Variants in FRMD4A observed in about 807,000 individuals in gnomAD.
FRMD4A encodes FERM domain containing 4A.
In FRMD4A, 29 loss-of-function variants were observed where a neutral mutation model predicts 129.1. The observed-to-expected ratio is 0.22, with a 90% confidence interval of 0.17 to 0.31. The LOEUF (loss-of-function observed/expected upper bound fraction) is 0.31. Among genes scored for constraint, FRMD4A ranks in the 10% least tolerant of loss-of-function variants. The pLI is 1.00. For synonymous variants in FRMD4A, 634 were observed against 571.6 expected (o/e 1.11, Z -1.56); for missense variants, 1,272 against 1,375.8 (o/e 0.92, Z 1.19).
chr10:13,692,701 C>G (rs1052512282), intron 15 of FRMD4A: 1 of 152,280 alleles, frequency 6.6e-6, no homozygotes, highest in African/African-American at 2.4e-5. Flanking sequence ...GCTAACGAGA[C>G]AATTTTTAGC....
chr10:13,772,059 G>C (rs2092470074), intron 6 of FRMD4A, among the ~76,000 whole-genome samples: 1 of 150,808 alleles, frequency 6.6e-6, no homozygotes, highest in African/African-American at 2.4e-5. Context: ...AGAGGTTGCA[G>C]TGAGCTGAGA....
chr10:14,183,095 T>C lies in FRMD4A; in HGVS notation c.45+146963A>G, dbSNP rs189781453. Among the ~76,000 whole-genome samples, 66 of 152,322 alleles carry C rather than the reference T, an allele frequency of 4.3e-4. 1 individual carries two copies. The highest frequency in any genetic ancestry group is 3.7e-3 in the Admixed American group (57 of 15,298). On this transcript the variant is annotated intron_variant, in intron 2 of 24. Coordinates refer to ENST00000357447, the MANE Select transcript of FRMD4A (RefSeq NM_018027.5). ...AAAAGCATAGAGCTAGGCAGTAACA[T>C]ATTTGAAGAGAAAAACAAGAACACT...
intron 2 of FRMD4A, among the ~76,000 whole-genome samples, chr10:13,920,739 AC>A (rs1429556538): frequency 6.6e-6 from 1 of 152,152 alleles, no homozygotes; most frequent in Non-Finnish European, 1.5e-5. Context: ...AAAATCATTC[AC>A]TATTATTCCA....
chr10:13,964,717 G>A (rs2095473435), intron 2 of FRMD4A, among the ~76,000 whole-genome samples: 3 of 148,972 alleles, frequency 2.0e-5, no homozygotes, highest in Admixed American at 6.7e-5. Context: ...CTGTCACCAG[G>A]CTGGAGTGCA....
chr10:13,732,332 T>TG (rs5783345), intron 12 of FRMD4A, among the ~76,000 whole-genome samples: 117,881 of 151,874 alleles, frequency 0.78, 45,993 homozygotes, highest in East Asian at 0.91. Context: ...GGCTTTTTTG[T>TG]GGGGATGAGG....
At chr10:14,258,953 A>G (rs1402645420) in intron 2 of FRMD4A, among the ~76,000 whole-genome samples, 1 of 152,214 alleles carries the variant, frequency 6.6e-6, no homozygotes, top group Non-Finnish European at 1.5e-5. Context: ...AGTAGTGGAA[A>G]CTACTGTATA....
At chr10:13,902,153 G>A (rs1565003978) in intron 2 of FRMD4A, among the ~76,000 whole-genome samples, 5 of 151,938 alleles carry the variant, frequency 3.3e-5, no homozygotes, top group African/African-American at 9.7e-5. Context: ...AGTAGCTGGG[G>A]CTACAGGCAT....
rs148843241 is a variant in FRMD4A at position 14,094,075 on chromosome 10, C to T, written c.46-235163G>A. On this transcript the variant is annotated intron_variant, in intron 2 of 24. Transcript: ENST00000357447. ...TGAAATTCGACCCATCAGAGCAGAACACATTAACAAAGCCCCTGCCCGGGG... is the reference window on the plus strand; with the variant it reads ...TGAAATTCGACCCATCAGAGCAGAATACATTAACAAAGCCCCTGCCCGGGG... Among the ~76,000 whole-genome samples, 62 of 152,368 alleles carry T rather than the reference C, an allele frequency of 4.1e-4. 1 individual carries two copies. The highest frequency in any genetic ancestry group is 3.6e-3 in the Admixed American group (55 of 15,310).
At chr10:14,246,016 A>G (rs1467171871) in intron 2 of FRMD4A, among the ~76,000 whole-genome samples, 3 of 152,224 alleles carry the variant, frequency 2.0e-5, no homozygotes, top group Non-Finnish European at 2.9e-5. Flanking sequence ...TGCCTTTGCC[A>G]TCATCATTCC....
chr10:13,744,309 C>T (rs2091178992), intron 9 of FRMD4A, among the ~76,000 whole-genome samples: 1 of 152,122 alleles, frequency 6.6e-6, no homozygotes, highest in African/African-American at 2.4e-5. Context: ...TTCTGTGGCC[C>T]TGGGCACATC....
At chr10:13,766,558 G>A (rs949102353) in intron 6 of FRMD4A, among the ~76,000 whole-genome samples, 1 of 152,146 alleles carries the variant, frequency 6.6e-6, no homozygotes, top group African/African-American at 2.4e-5. Context: ...TGTTCTCATA[G>A]GACTCAACAC....
intron 2 of FRMD4A, among the ~76,000 whole-genome samples, chr10:14,277,062 G>T (rs996688852): frequency 6.6e-6 from 1 of 152,070 alleles, no homozygotes; most frequent in South Asian, 2.1e-4. Flanking sequence ...ACGGGGTTTT[G>T]CCAACTTGCC....
chr10:14,155,807 C>A (rs972800460), intron 2 of FRMD4A, among the ~76,000 whole-genome samples: 1 of 152,132 alleles, frequency 6.6e-6, no homozygotes. Context: ...ATTTTCAGAA[C>A]GCAATAAAAC....
intron 2 of FRMD4A, among the ~76,000 whole-genome samples, chr10:14,195,555 G>A (rs1842448876): frequency 6.6e-6 from 1 of 152,062 alleles, no homozygotes; most frequent in African/African-American, 2.4e-5. Context: ...TTCTCTCCTC[G>A]GATAACAAAT....
intron 2 of FRMD4A, among the ~76,000 whole-genome samples, chr10:14,317,831 A>G (rs543811843): frequency 6.6e-6 from 1 of 152,154 alleles, no homozygotes; most frequent in East Asian, 1.9e-4. Context: ...TCCAAAAAAT[A>G]GTCACAGATT....
At chr10:13,662,837 T>G (rs2082735997) in intron 19 of FRMD4A, among the ~76,000 whole-genome samples, 1 of 152,186 alleles carries the variant, frequency 6.6e-6, no homozygotes, top group South Asian at 2.1e-4. Flanking sequence ...TCTAAATCAA[T>G]TTCTACCCTT....
intron 2 of FRMD4A, among the ~76,000 whole-genome samples, chr10:14,050,415 T>C (rs1834201637): frequency 6.6e-6 from 1 of 152,190 alleles, no homozygotes; most frequent in African/African-American, 2.4e-5. Flanking sequence ...ATAGAGATGA[T>C]GAAAGACCTA....
At chr10:14,251,980 G>C (rs970924837) in intron 2 of FRMD4A, among the ~76,000 whole-genome samples, 15 of 152,124 alleles carry the variant, frequency 9.9e-5, no homozygotes, top group African/African-American at 3.6e-4. Context: ...CATGAGAATA[G>C]AAAAGAAGAC....
At chr10:13,839,097 G>A (rs1297527892) in intron 3 of FRMD4A, among the ~76,000 whole-genome samples, 3 of 143,602 alleles carry the variant, frequency 2.1e-5, no homozygotes, top group Non-Finnish European at 4.5e-5. Flanking sequence ...TTGGGCTCAA[G>A]TGATCCTCCC....
Sources: allele counts gnomAD v4.1 joint callset (sites outside exome capture counted in the v4.1 genomes callset), GRCh38; gene constraint gnomAD v4.1.1; transcripts MANE v1.5; gene names NCBI Gene and HGNC (gene_info 2026-07-23, HGNC 2026-07-21).